Variants in FAM168A observed in about 807,000 individuals in gnomAD.
The protein encoded by FAM168A is family with sequence similarity 168 member A.
FAM168A carries 3 observed loss-of-function variants against 28.5 expected under a neutral mutation model. The ratio of observed to expected loss-of-function variants is 0.11; its 90% CI spans 0.05 to 0.27. The LOEUF (loss-of-function observed/expected upper bound fraction) is 0.27. FAM168A is among the 10% of genes least tolerant of loss of function. The probability of loss-of-function intolerance (pLI) is 1.00; values close to 1 mark genes in which losing one functional copy is unlikely to be tolerated. For synonymous variants in FAM168A, 122 were observed against 124.2 expected (o/e 0.98, Z 0.12); for missense variants, 222 against 311.5 (o/e 0.71, Z 2.16).
intron 1 of FAM168A, among the ~76,000 whole-genome samples, chr11:73,546,124 G>C (rs1046283236): frequency 1.3e-5 from 2 of 152,070 alleles, no homozygotes; most frequent in African/African-American, 2.4e-5. Context: ...ATAAACCAAA[G>C]ACTAAGATCA....
chr11:73,490,280 C>T (rs989912930), intron 1 of FAM168A, among the ~76,000 whole-genome samples: 16 of 152,210 alleles, frequency 1.1e-4, no homozygotes, highest in African/African-American at 3.4e-4. Context: ...TCATCTCTCA[C>T]AAGTATTACT....
At chr11:73,474,446 T>G (rs1314598124) in intron 1 of FAM168A, among the ~76,000 whole-genome samples, 1 of 152,108 alleles carries the variant, frequency 6.6e-6, no homozygotes, top group Non-Finnish European at 1.5e-5. Context: ...CAAGTGATCC[T>G]CCTGCCCTAG....
Position 73,478,898 on chromosome 11 carries a change from G to C in FAM168A, c.-18-10406C>G, listed in dbSNP as rs1867928538. On this transcript the variant is annotated intron_variant, in intron 1 of 7. Transcript: ENST00000356467. ...AAAAAAACAACTAAAGTGGGGTGAT[G>C]GGGGAGCAGGTGGGCAGTGCTGTGA... Among the ~76,000 whole-genome samples, 3 of 152,146 alleles carry C rather than the reference G, an allele frequency of 2.0e-5. No homozygotes were observed. The South Asian group carries it at 6.2e-4, about 31-fold the overall frequency.
intron 4 of FAM168A, among the ~76,000 whole-genome samples, chr11:73,415,708 T>C (rs151257048): frequency 1.6e-3 from 245 of 152,294 alleles, no homozygotes; most frequent in African/African-American, 5.8e-3. Context: ...AAAATCAGGG[T>C]TTATTACTTT....
intron 1 of FAM168A, among the ~76,000 whole-genome samples, chr11:73,479,397 T>G (rs1316726895): frequency 1.4e-5 from 2 of 140,694 alleles, no homozygotes; most frequent in African/African-American, 5.0e-5. Context: ...ATATGTCATT[T>G]GATCTATGTT....
intron 1 of FAM168A, among the ~76,000 whole-genome samples, chr11:73,537,014 T>C (rs1943591141): frequency 6.6e-6 from 1 of 152,212 alleles, no homozygotes; most frequent in Non-Finnish European, 1.5e-5. Context: ...AGGTCTCTCA[T>C]GCCATAGCAT....
At position 73,574,937 on chromosome 11, in the gene FAM168A, C is replaced by CAGT. The variant is rs956297203; in HGVS notation, c.-19+22983_-19+22985dup. Among the ~76,000 whole-genome samples, 75 of 143,794 alleles carry CAGT rather than the reference C, an allele frequency of 5.2e-4. 1 individual carries two copies. Among genetic ancestry groups the CAGT allele is most frequent in the African/African-American group, 2.0e-3 (72 of 35,750 alleles). The allele number at this position is 143,794 out of a possible 152,430, so 94.3% of individuals were successfully genotyped here. A position where few individuals can be genotyped will look rare whatever the true frequency, so the allele number is the denominator to read the frequency against. The stretch of plus-strand genomic sequence containing the variant: ...AAATTATCCCCTGATACTCTACTAG[C>CAGT]AGTAGCATTACTCAATAAAGGAAAC... On this transcript the variant is annotated intron_variant, in intron 1 of 7. Transcript: ENST00000356467.
At chr11:73,526,354 G>A (rs1320021746) in intron 1 of FAM168A, among the ~76,000 whole-genome samples, 1 of 152,088 alleles carries the variant, frequency 6.6e-6, no homozygotes, top group Non-Finnish European at 1.5e-5. Flanking sequence ...ATGTTGGCAG[G>A]GTGTGCAAGG....
At chr11:73,547,222 A>G (rs1018213335) in intron 1 of FAM168A, among the ~76,000 whole-genome samples, 2 of 151,976 alleles carry the variant, frequency 1.3e-5, no homozygotes, top group African/African-American at 4.8e-5. Context: ...AAAAAGAAGG[A>G]AAAAAGAAGA....
chr11:73,567,215 C>T (rs572107836), intron 1 of FAM168A, among the ~76,000 whole-genome samples: 5 of 152,136 alleles, frequency 3.3e-5, no homozygotes, highest in African/African-American at 4.8e-5. Flanking sequence ...ATCTATACAA[C>T]TTAGTGACTG....
chr11:73,517,012 T>C (rs1030670355), intron 1 of FAM168A, among the ~76,000 whole-genome samples: 19 of 152,304 alleles, frequency 1.2e-4, no homozygotes, highest in Middle Eastern at 3.4e-3. Flanking sequence ...TGCAGATTGC[T>C]ATGGGAGCTT....
At chr11:73,568,619 G>C (rs977639019) in intron 1 of FAM168A, among the ~76,000 whole-genome samples, 1 of 152,120 alleles carries the variant, frequency 6.6e-6, no homozygotes, top group Non-Finnish European at 1.5e-5. Flanking sequence ...ACCCTTGGTC[G>C]GGGGTAATGG....
At chr11:73,549,269 A>G (rs922706689) in intron 1 of FAM168A, among the ~76,000 whole-genome samples, 1 of 152,158 alleles carries the variant, frequency 6.6e-6, no homozygotes, top group African/African-American at 2.4e-5. Flanking sequence ...CATAGTACCT[A>G]CTACACTTAA....
intron 1 of FAM168A, among the ~76,000 whole-genome samples, chr11:73,582,401 T>C (rs765287517): frequency 6.6e-5 from 10 of 151,878 alleles, no homozygotes; most frequent in African/African-American, 1.7e-4. Flanking sequence ...CACACACCTG[T>C]AGTCCCAGCT....
intron 3 of FAM168A, among the ~76,000 whole-genome samples, chr11:73,423,896 C>A (rs1866840158): frequency 6.6e-6 from 1 of 152,198 alleles, no homozygotes; most frequent in African/African-American, 2.4e-5. Flanking sequence ...CATCCGTATT[C>A]TTTATGCAGA....
intron 1 of FAM168A, among the ~76,000 whole-genome samples, chr11:73,571,116 A>G (rs1419838124): frequency 6.6e-6 from 1 of 152,208 alleles, no homozygotes; most frequent in East Asian, 1.9e-4. Context: ...AAAAATGAAT[A>G]AAATTAGTGT....
chr11:73,574,441 C>T (rs1175594911), intron 1 of FAM168A, among the ~76,000 whole-genome samples: 1 of 152,174 alleles, frequency 6.6e-6, no homozygotes, highest in African/African-American at 2.4e-5. Context: ...TAAAAAAATA[C>T]ATCATCTATC....
chr11:73,463,824 G>A (rs1270770485), intron 2 of FAM168A, among the ~76,000 whole-genome samples: 1 of 152,194 alleles, frequency 6.6e-6, no homozygotes, highest in Non-Finnish European at 1.5e-5. Flanking sequence ...TTAGGATAAA[G>A]GCTAAAAAGG....
intron 1 of FAM168A, among the ~76,000 whole-genome samples, chr11:73,526,749 T>C (rs1652223974): frequency 6.6e-6 from 1 of 150,598 alleles, no homozygotes; most frequent in Non-Finnish European, 1.5e-5. Context: ...GGAAGAAAGT[T>C]AAAAGGAAGA....
Sources: allele counts gnomAD v4.1 joint callset (sites outside exome capture counted in the v4.1 genomes callset), GRCh38; gene constraint gnomAD v4.1.1; transcripts MANE v1.5; gene names NCBI Gene and HGNC (gene_info 2026-07-23, HGNC 2026-07-21).